PLEKHG1: variants seen among roughly 807,000 people sequenced by gnomAD.
PLEKHG1 encodes pleckstrin homology and RhoGEF domain containing G1, also known as pleckstrin homology domain-containing family G member 1.
In PLEKHG1, 44 loss-of-function variants were observed where a neutral mutation model predicts 100.8. The observed-to-expected ratio is 0.44, with a 90% CI of 0.34 to 0.56. PLEKHG1 has a LOEUF of 0.56. Among genes scored for constraint, PLEKHG1 ranks in the 20% least tolerant of loss-of-function variants. The pLI is 0.01. For missense variants in PLEKHG1, 1,545 were observed against 1,720.9 expected (o/e 0.90, Z 1.81); for synonymous variants, 640 against 662.5 (o/e 0.97, Z 0.52).
chr6:150,743,508 G>A (rs564769798), intron 2 of PLEKHG1, among the ~76,000 whole-genome samples: 46 of 152,208 alleles, frequency 3.0e-4, no homozygotes, highest in African/African-American at 6.0e-4. Context: ...CCTGGGCAAC[G>A]GAGCAAGACT....
At chr6:150,702,246 C>T (rs112451574) in intron 3 of PLEKHG1, among the ~76,000 whole-genome samples, 6,455 of 152,092 alleles carry the variant, frequency 0.042, 440 homozygotes, top group African/African-American at 0.15. Context: ...CTGAGGCAGG[C>T]GGATCACGAG....
At chr6:150,780,746 C>T (rs1303434144) in intron 3 of PLEKHG1, among the ~76,000 whole-genome samples, 1 of 152,148 alleles carries the variant, frequency 6.6e-6, no homozygotes, top group African/African-American at 2.4e-5. Context: ...AGCATTCCTA[C>T]GCATGATGTT....
chr6:150,748,907 G>A (rs538551235), intron 2 of PLEKHG1, among the ~76,000 whole-genome samples: 27 of 152,206 alleles, frequency 1.8e-4, no homozygotes, highest in African/African-American at 4.8e-4. Flanking sequence ...GATTACAGGC[G>A]TGAGCCACTG....
intron 3 of PLEKHG1, among the ~76,000 whole-genome samples, chr6:150,657,687 T>G (rs1390885496): frequency 6.6e-6 from 1 of 152,204 alleles, no homozygotes; most frequent in Non-Finnish European, 1.5e-5. Flanking sequence ...AGGTACAAGA[T>G]CATTGTTGTA....
chr6:150,692,135 G>C (rs1197082000), intron 3 of PLEKHG1, among the ~76,000 whole-genome samples: 1 of 152,184 alleles, frequency 6.6e-6, no homozygotes, highest in Non-Finnish European at 1.5e-5. Context: ...AGCAACTTCA[G>C]GCATGAGTAA....
intron 2 of PLEKHG1, among the ~76,000 whole-genome samples, chr6:150,640,106 G>A (rs1354631146): frequency 5.9e-5 from 9 of 152,220 alleles, no homozygotes; most frequent in Admixed American, 5.2e-4. Context: ...TTACCCATCT[G>A]GCCCTACCTG....
At chr6:150,706,805 A>AT (rs1781026395) in intron 3 of PLEKHG1, among the ~76,000 whole-genome samples, 1 of 151,834 alleles carries the variant, frequency 6.6e-6, no homozygotes, top group Non-Finnish European at 1.5e-5. Context: ...AAAGAGACCA[A>AT]AAAAATGAAA....
intron 1 of PLEKHG1, among the ~76,000 whole-genome samples, chr6:150,623,255 CT>C (rs1777380315): frequency 6.6e-6 from 1 of 152,136 alleles, no homozygotes; most frequent in African/African-American, 2.4e-5. Flanking sequence ...GATGGGAAGT[CT>C]TGTTTCATTT....
intron 1 of PLEKHG1, among the ~76,000 whole-genome samples, chr6:150,633,841 G>A (rs1360507380): frequency 6.6e-6 from 1 of 152,162 alleles, no homozygotes; most frequent in African/African-American, 2.4e-5. Flanking sequence ...GAGTTTGGAT[G>A]TATGGGAGGC....
At chr6:150,810,872 G>T (rs935899216) in intron 10 of PLEKHG1, among the ~76,000 whole-genome samples, 1 of 151,760 alleles carries the variant, frequency 6.6e-6, no homozygotes, top group African/African-American at 2.4e-5. Flanking sequence ...AGTAAGCCGA[G>T]ATCGTGCCAT....
intron 2 of PLEKHG1, among the ~76,000 whole-genome samples, chr6:150,743,647 G>C (rs1782998861): frequency 1.3e-5 from 2 of 151,908 alleles, no homozygotes; most frequent in South Asian, 2.1e-4. Context: ...CTTTATTTAG[G>C]GCTTCAGACC....
intron 6 of PLEKHG1, among the ~76,000 whole-genome samples, chr6:150,802,502 A>C (rs540126246): frequency 1.3e-5 from 2 of 152,308 alleles, no homozygotes; most frequent in South Asian, 4.1e-4. Context: ...TCCTTACAAA[A>C]AGTTAATTAA....
intron 10 of PLEKHG1, among the ~76,000 whole-genome samples, 162 bp from the exon 12 acceptor site, chr6:150,818,021 G>C (rs1313894322): frequency 6.6e-6 from 1 of 152,142 alleles, no homozygotes; most frequent in Non-Finnish European, 1.5e-5. Context: ...GCGCTCATCT[G>C]CTTGAATTCC....
At chr6:150,809,082 C>A in intron 7 of PLEKHG1, 23 bp from the exon 9 acceptor site, 1 of 1,601,680 alleles carries the variant, frequency 6.2e-7, no homozygotes, top group Non-Finnish European at 8.5e-7. Context: ...CCTGTAAATG[C>A]CATGGCCCAT....
At chr6:150,749,632 C>T (rs909623335) in intron 2 of PLEKHG1, among the ~76,000 whole-genome samples, 1 of 152,062 alleles carries the variant, frequency 6.6e-6, no homozygotes, top group Non-Finnish European at 1.5e-5. Flanking sequence ...CCTGGTTTTG[C>T]CACCTCCTGT....
chr6:150,609,524 C>T (rs577796645), intron 1 of PLEKHG1, among the ~76,000 whole-genome samples: 25 of 152,070 alleles, frequency 1.6e-4, no homozygotes, highest in African/African-American at 5.1e-4. Context: ...GGAGGAGGAG[C>T]AGTAAGCAGG....
chr6:150,738,041 C>T (rs1782667776), intron 2 of PLEKHG1, among the ~76,000 whole-genome samples: 1 of 151,664 alleles, frequency 6.6e-6, no homozygotes, highest in Non-Finnish European at 1.5e-5. Context: ...CTCAAACTGC[C>T]AGCCTCAAGA....
At chr6:150,832,270 A>G (rs1225855701) in intron 15 of PLEKHG1, 65 bp downstream of exon 16, 1 of 1,352,152 alleles carries the variant, frequency 7.4e-7, no homozygotes, top group South Asian at 1.4e-5. Flanking sequence ...CAGATTTCAG[A>G]TGTCCTTAAA....
intron 3 of PLEKHG1, among the ~76,000 whole-genome samples, chr6:150,668,088 A>G (rs1263151840): frequency 6.6e-6 from 1 of 152,214 alleles, no homozygotes; most frequent in Non-Finnish European, 1.5e-5. Context: ...GTTTTTCTAA[A>G]CTGGTTGCTG....
Sources: allele counts gnomAD v4.1 joint callset (sites outside exome capture counted in the v4.1 genomes callset), GRCh38; gene constraint gnomAD v4.1.1; transcripts MANE v1.5; gene names NCBI Gene and HGNC (gene_info 2026-07-23, HGNC 2026-07-21).